Variants in CDC42BPA observed in about 807,000 individuals in gnomAD.
The protein encoded by CDC42BPA is serine/threonine-protein kinase MRCK alpha.
Under a neutral mutation model 223.5 loss-of-function variants are expected in CDC42BPA, and 80 were observed. The ratio of observed to expected loss-of-function variants is 0.36; its 90% CI spans 0.30 to 0.43. The LOEUF (loss-of-function observed/expected upper bound fraction) is 0.43, where lower values mean the gene tolerates loss of function less well. Ranked by LOEUF, CDC42BPA falls within the 20% of genes least tolerant of loss-of-function variation. The pLI, the probability that CDC42BPA is intolerant of heterozygous loss-of-function variation, is 1.00. For synonymous variants in CDC42BPA, 694 were observed against 718.6 expected, an observed-to-expected ratio of 0.97 and a Z score of 0.55; for missense variants, 1,743 against 2,099.9, an observed-to-expected ratio of 0.83 and a Z score of 3.32.
intron 17 of CDC42BPA, among the ~76,000 whole-genome samples, chr1:227,077,069 T>A (rs1440975464): frequency 1.3e-5 from 2 of 152,198 alleles, no homozygotes; most frequent in Non-Finnish European, 2.9e-5. Context: ...TTAATACTTA[T>A]TAAATACTAT....
At chr1:227,024,334 T>C (rs1667871385) in intron 31 of CDC42BPA, among the ~76,000 whole-genome samples, 1 of 152,216 alleles carries the variant, frequency 6.6e-6, no homozygotes, top group South Asian at 2.1e-4. Context: ...TACTAGGATG[T>C]TGATAAGAAT....
intron 6 of CDC42BPA, among the ~76,000 whole-genome samples, chr1:227,150,454 A>C (rs1238916714): frequency 6.6e-6 from 1 of 152,180 alleles, no homozygotes. Flanking sequence ...AAGTGATAAG[A>C]AAAAATAATT....
At chr1:226,996,627 G>C (rs1661670341) in intron 35 of CDC42BPA, among the ~76,000 whole-genome samples, 1 of 152,190 alleles carries the variant, frequency 6.6e-6, no homozygotes, top group African/African-American at 2.4e-5. Context: ...ATTATTTTGA[G>C]ATACGTTCCA....
intron 1 of CDC42BPA, among the ~76,000 whole-genome samples, chr1:227,261,128 T>C (rs9426618): frequency 2.6e-5 from 2 of 75,926 alleles, no homozygotes; most frequent in African/African-American, 4.7e-5. Context: ...GTTTTTCTTT[T>C]TTTTTGAGAC....
chr1:227,025,216 T>C (rs1452468855), intron 31 of CDC42BPA, among the ~76,000 whole-genome samples: 1 of 152,084 alleles, frequency 6.6e-6, no homozygotes, highest in African/African-American at 2.4e-5. Flanking sequence ...GCACTCCAGG[T>C]TGGATGACAG....
chr1:227,174,322 G>C, intron 5 of CDC42BPA, among the ~76,000 whole-genome samples: 1 of 152,234 alleles, frequency 6.6e-6, no homozygotes, highest in East Asian at 1.9e-4. Flanking sequence ...TTTTGAGTAA[G>C]CCTTAGGCCT....
At chr1:227,089,627 GTTTTTTTTT>G (rs72110440) in intron 16 of CDC42BPA, among the ~76,000 whole-genome samples, 2 of 116,718 alleles carry the variant, frequency 1.7e-5, no homozygotes, top group Non-Finnish European at 3.4e-5. Context: ...GGGTAATTCC[GTTTTTTTTT>G]TTTTTTTTTT....
In CDC42BPA at chr1:227,040,198, A is replaced by C; in HGVS notation, c.3132T>G (p.Thr1044=). 6.2e-7 allele frequency: 1 copy of C among 1,613,248 alleles called. No homozygotes were observed. Among genetic ancestry groups the C allele is most frequent in the Non-Finnish European group, 8.5e-7 (1 of 1,179,316 alleles). Reference sequence around the variant, plus strand: ...AGGTACACTGATGACACTTGGTAGGAGTAGTAAAAGATTTTACAAAAAACT... The same window carrying C: ...AGGTACACTGATGACACTTGGTAGGCGTAGTAAAAGATTTTACAAAAAACT... The part of the protein sequence containing the change: ...THQFFVKSFT[T]PTKCHQCTSL... Residue 1044 remains threonine (T), a synonymous_variant, in exon 24 of 37, where the codon ACT becomes ACG. Coordinates refer to ENST00000366766, the MANE Select transcript of CDC42BPA (RefSeq NM_001394014.1).
chr1:227,244,599 CAGGGGTGA>C (rs1680590706), intron 2 of CDC42BPA, among the ~76,000 whole-genome samples: 1 of 152,092 alleles, frequency 6.6e-6, no homozygotes, highest in Non-Finnish European at 1.5e-5. Context: ...TGGCTATGGC[CAGGGGTGA>C]AGCAAGGTAG....
At chr1:227,167,591 T>C (rs992177237) in intron 5 of CDC42BPA, among the ~76,000 whole-genome samples, 5 of 152,212 alleles carry the variant, frequency 3.3e-5, no homozygotes, top group Admixed American at 6.5e-5. Flanking sequence ...TTTCTTAATA[T>C]GCAGCTCTCT....
At position 226,990,406 on chromosome 1, in the gene CDC42BPA, A is replaced by G. The variant is rs1265388663; in HGVS notation, c.*3862T>C. ...GCACAGAGAACTCTGGACTTGAGTA[A>G]CAAAGTCATAAGGAAAGAGATTTTA... is the stretch of plus-strand genomic sequence containing the variant. On this transcript the variant is annotated 3_prime_UTR_variant, in exon 37 of 37. Coordinates refer to ENST00000366766, the MANE Select transcript of CDC42BPA (RefSeq NM_001394014.1). 1 of 152,224 alleles carries G rather than the reference A, an allele frequency of 6.6e-6. No individual in the cohort carries two copies. The highest frequency in any genetic ancestry group is 2.4e-5 in the African/African-American group (1 of 41,456). 9.4% of individuals were successfully genotyped at this position (152,224 alleles called of 1,614,324 possible).
chr1:227,275,957 T>C (rs1686908925), intron 1 of CDC42BPA, among the ~76,000 whole-genome samples: 1 of 151,986 alleles, frequency 6.6e-6, no homozygotes, highest in African/African-American at 2.4e-5. Context: ...CGCTACAACC[T>C]CCACCTCCCA....
intron 1 of CDC42BPA, among the ~76,000 whole-genome samples, chr1:227,312,373 T>C (rs2148827117): frequency 6.6e-6 from 1 of 152,326 alleles, no homozygotes; most frequent in Non-Finnish European, 1.5e-5. Flanking sequence ...GAGCTTACTG[T>C]GTAATAGTAT....
chr1:227,110,132 C>G (rs1273363717), intron 14 of CDC42BPA, among the ~76,000 whole-genome samples: 1 of 152,050 alleles, frequency 6.6e-6, no homozygotes, highest in African/African-American at 2.4e-5. Flanking sequence ...GTGTTCACAA[C>G]CTCAATATCC....
At chr1:227,001,707 G>C (rs11589344) in intron 35 of CDC42BPA, among the ~76,000 whole-genome samples, 58,697 of 151,932 alleles carry the variant, frequency 0.39, 11,854 homozygotes, top group Non-Finnish European at 0.46. Flanking sequence ...GGGAGTTCAA[G>C]AGCAGCCTGG....
intron 17 of CDC42BPA, among the ~76,000 whole-genome samples, chr1:227,075,022 C>A (rs576393888): frequency 6.6e-6 from 1 of 152,218 alleles, no homozygotes; most frequent in East Asian, 1.9e-4. Context: ...CTCAAGAAAA[C>A]GTCTGCATTT....
intron 2 of CDC42BPA, among the ~76,000 whole-genome samples, chr1:227,233,129 G>A (rs1016675584): frequency 2.6e-5 from 4 of 152,300 alleles, no homozygotes; most frequent in East Asian, 1.9e-4. Context: ...TGTCTTCTGC[G>A]TCACTCACGC....
intron 3 of CDC42BPA, among the ~76,000 whole-genome samples, chr1:227,203,693 C>T (rs974955239): frequency 2.0e-5 from 3 of 152,180 alleles, no homozygotes; most frequent in Non-Finnish European, 1.5e-5. Flanking sequence ...ACTTTCTCAA[C>T]CAAATGTTCA....
chr1:227,053,248 G>A (rs1329980364), intron 21 of CDC42BPA, among the ~76,000 whole-genome samples: 1 of 152,194 alleles, frequency 6.6e-6, no homozygotes, highest in South Asian at 2.1e-4. Flanking sequence ...TCTGGCAAGT[G>A]TATGGGAAGA....
Sources: allele counts gnomAD v4.1 joint callset (sites outside exome capture counted in the v4.1 genomes callset), GRCh38; gene constraint gnomAD v4.1.1; transcripts MANE v1.5; gene names NCBI Gene and HGNC (gene_info 2026-07-23, HGNC 2026-07-21).